The following ASB18 variants were observed in gnomAD, a reference collection of about 807,000 sequenced individuals.
ASB18 encodes the protein ankyrin repeat and SOCS box containing 18.
ASB18 carries 33 observed loss-of-function variants against 33.4 expected under a neutral mutation model. The observed-to-expected ratio is 0.99, with a 90% CI of 0.75 to 1.32. The LOEUF (loss-of-function observed/expected upper bound fraction) is 1.32. ASB18 is among the 40% of genes most tolerant of loss of function. The pLI, the probability that ASB18 is intolerant of heterozygous loss-of-function variation, is 0.00. For missense variants in ASB18, 694 were observed against 655.5 expected (o/e 1.06, Z -0.64); for synonymous variants, 295 against 307.6 (o/e 0.96, Z 0.43).
rs1311232917 is a variant in ASB18, at chr2:236,252,181, G to T, written c.206-10779C>A. Among the ~76,000 whole-genome samples, 11 of 152,042 alleles carry T rather than the reference G, an allele frequency of 7.2e-5. No individual in the cohort carries two copies. The highest frequency in any genetic ancestry group is 1.6e-4 in the Non-Finnish European group (11 of 68,006). ...AGCTATTCAGGAGGCTGAGACAGGA[G>T]AATTGCTTGAACCCAGGAGGCAGAG... is the stretch of plus-strand genomic sequence containing the variant. On this transcript the variant is annotated intron_variant, in intron 1 of 5. Coordinates refer to ENST00000409749, the MANE Select transcript of ASB18 (RefSeq NM_212556.4). The surrounding 1 kb of genome is among the most constrained non-coding windows in gnomAD (Gnocchi z 7.9).
In ASB18 at chr2:236,193,784, A is replaced by G. The variant is rs911053323; in HGVS notation, c.*1088T>C. Among the ~76,000 whole-genome samples, 27 of 149,108 alleles carry G rather than the reference A, an allele frequency of 1.8e-4. No individual in the cohort carries two copies. The highest frequency in any genetic ancestry group is 3.3e-4 in the Non-Finnish European group (22 of 66,896). On this transcript the variant is annotated 3_prime_UTR_variant, in exon 6 of 6. Transcript: ENST00000409749. The surrounding 1 kb of genome is among the most constrained non-coding windows in gnomAD (Gnocchi z 5.0). The stretch of plus-strand genomic sequence containing the variant: ...CTCAAAACAAACAAACAAACAAACA[A>G]AAAAACAAAAAAGAAACAAGACTGA...
Position 236,259,413 on chromosome 2 carries a change from G to A in ASB18, c.205+4728C>T. On this transcript the variant is annotated intron_variant, in intron 1 of 5. Transcript: ENST00000409749. The surrounding 1 kb of genome is among the most constrained non-coding windows in gnomAD (Gnocchi z 4.4). ...TGGCCCTAGAAGAGGTGGCATTCAG[G>A]TTTGAATTATCCAGTTGGTATATAA... 1 of 429,056 alleles carries A rather than the reference G, an allele frequency of 2.3e-6. No homozygotes were observed. Among genetic ancestry groups the A allele is most frequent in the Non-Finnish European group, 4.9e-6 (1 of 203,238 alleles). The allele number at this position is 429,056 out of a possible 1,614,324, so 26.6% of individuals were successfully genotyped here. A position where few individuals can be genotyped will look rare whatever the true frequency, so the allele number is the denominator to read the frequency against.
In ASB18 at chr2:236,216,847, T is replaced by A. The variant is rs2060489985; in HGVS notation, c.597-1981A>T. ...ACATCATGATCCAGCTCCTGGGGGC[T>A]CACCGGGTTCACCTCCTGAGGCGCC... On this transcript the variant is annotated intron_variant, in intron 3 of 5. Transcript: ENST00000409749. This position sits in a 1 kb window ranked among gnomAD's most constrained non-coding sequence, Gnocchi z 6.1. 6.6e-6 allele frequency among the ~76,000 whole-genome samples: 1 copy of A among 152,114 alleles called. No homozygotes were observed. Among genetic ancestry groups the A allele is most frequent in the East Asian group, 1.9e-4 (1 of 5,148 alleles).
rs1484425207 is a variant in ASB18 at position 236,220,634 on chromosome 2, A to T, written c.597-5768T>A. Among the ~76,000 whole-genome samples, 1 of 151,840 alleles carries T rather than the reference A, an allele frequency of 6.6e-6. No homozygotes were observed. The highest frequency in any genetic ancestry group is 1.9e-4 in the East Asian group (1 of 5,164). The stretch of plus-strand genomic sequence containing the variant: ...TGTAGGTGGAATTTACAGTTGGGGA[A>T]ATTGAGGCTTAAAAGGCCAGTGACA... On this transcript the variant is annotated intron_variant, in intron 3 of 5. Coordinates refer to ENST00000409749, the MANE Select transcript of ASB18 (RefSeq NM_212556.4). The surrounding 1 kb of genome is among the most constrained non-coding windows in gnomAD (Gnocchi z 5.1).
Position 236,253,768 on chromosome 2 carries a change from A to C in ASB18, c.205+10373T>G, listed in dbSNP as rs1187897751. ...ACGACAGGTAATTACAAGTCTGCAA[A>C]TCACACACATGGATGTTAGGTTAAA... On this transcript the variant is annotated intron_variant, in intron 1 of 5. Transcript: ENST00000409749. This position sits in a 1 kb window ranked among gnomAD's most constrained non-coding sequence, Gnocchi z 5.4. 6.6e-6 allele frequency: 1 copy of C among 152,236 alleles called. No homozygotes were observed. The highest frequency in any genetic ancestry group is 1.5e-5 in the Non-Finnish European group (1 of 68,044). 9.4% of individuals were successfully genotyped at this position (152,236 alleles called of 1,614,324 possible). A position where few individuals can be genotyped will look rare whatever the true frequency, so the allele number is the denominator to read the frequency against.
At position 236,238,119 on chromosome 2, in the gene ASB18, G is replaced by A. The variant is rs1445013726; in HGVS notation, c.329-163C>T. On this transcript the variant is annotated intron_variant, in intron 2 of 5. Coordinates refer to ENST00000409749, the MANE Select transcript of ASB18 (RefSeq NM_212556.4). This position sits in a 1 kb window ranked among gnomAD's most constrained non-coding sequence, Gnocchi z 5.2. ...AGAATCAGAGACGCACACAGAGACA[G>A]AGAGCAGAGAGACACACTGGGAAGA... is the stretch of plus-strand genomic sequence containing the variant. 6.6e-6 allele frequency among the ~76,000 whole-genome samples: 1 copy of A among 152,170 alleles called. No individual in the cohort carries two copies. Among genetic ancestry groups the A allele is most frequent in the African/African-American group, 2.4e-5 (1 of 41,436 alleles).
rs1210206826 is a variant in ASB18 at position 236,193,774 on chromosome 2, C to G, written c.*1098G>C. Among the ~76,000 whole-genome samples the G allele has an allele frequency of 6.6e-6, 1 of 150,552 alleles. No homozygotes were observed. The highest frequency in any genetic ancestry group is 1.5e-5 in the Non-Finnish European group (1 of 67,274). ...TTGCGCCAGTCTCAAAACAAACAAA[C>G]AAACAAACAAAAAAACAAAAAAGAA... is the stretch of plus-strand genomic sequence containing the variant. On this transcript the variant is annotated 3_prime_UTR_variant, in exon 6 of 6. Coordinates refer to ENST00000409749, the MANE Select transcript of ASB18 (RefSeq NM_212556.4). The surrounding 1 kb of genome is among the most constrained non-coding windows in gnomAD (Gnocchi z 5.0).
Position 236,256,200 on chromosome 2 carries a change from T to C in ASB18, c.205+7941A>G, listed in dbSNP as rs1411135600. On this transcript the variant is annotated intron_variant, in intron 1 of 5. Coordinates refer to ENST00000409749, the MANE Select transcript of ASB18 (RefSeq NM_212556.4). The surrounding 1 kb of genome is among the most constrained non-coding windows in gnomAD (Gnocchi z 4.7). ...GCCATCATGCCCAGGCTAATTGGTG[T>C]ATTTTTTGTAGAGATAGAGTCTTGC... Among the ~76,000 whole-genome samples, 1 of 152,054 alleles carries C rather than the reference T, an allele frequency of 6.6e-6. No individual in the cohort carries two copies. The highest frequency in any genetic ancestry group is 2.4e-5 in the African/African-American group (1 of 41,402).
chr2:236,232,077 A>C (rs1372859934), intron 3 of ASB18, among the ~76,000 whole-genome samples: 3 of 152,232 alleles, frequency 2.0e-5, no homozygotes, highest in Non-Finnish European at 4.4e-5. Context: ...AGTATACATG[A>C]AACATTTATC....
chr2:236,217,908 A>G lies in ASB18; in HGVS notation c.597-3042T>C, dbSNP rs1307938059. Among the ~76,000 whole-genome samples, 1 of 152,242 alleles carries G rather than the reference A, an allele frequency of 6.6e-6. No individual in the cohort carries two copies. Among genetic ancestry groups the G allele is most frequent in the Non-Finnish European group, 1.5e-5 (1 of 68,044 alleles). Reference sequence around the variant, plus strand: ...TGCTTCTCTGGGAGGAATTTTGAACAGTGCAGCAGGACGTTAGAAATCAAG... The same window carrying G: ...TGCTTCTCTGGGAGGAATTTTGAACGGTGCAGCAGGACGTTAGAAATCAAG... On this transcript the variant is annotated intron_variant, in intron 3 of 5. Transcript: ENST00000409749. This position sits in a 1 kb window ranked among gnomAD's most constrained non-coding sequence, Gnocchi z 5.2.
intron 1 of ASB18, among the ~76,000 whole-genome samples, chr2:236,254,416 G>A (rs1347078841): frequency 6.6e-6 from 1 of 151,802 alleles, no homozygotes; most frequent in African/African-American, 2.4e-5. Context: ...AGCCCACACA[G>A]CTGACTCCCT....
rs1394661258 is a variant in ASB18 at position 236,214,354 on chromosome 2, T to C, written c.1101+8A>G. The C allele has an allele frequency of 1.3e-6, 2 of 1,569,300 alleles. No individual in the cohort carries two copies. The highest frequency in any genetic ancestry group is 1.7e-6 in the Non-Finnish European group (2 of 1,161,286). On this transcript the variant is annotated splice_region_variant and intron_variant, in intron 4 of 5. Coordinates refer to ENST00000409749, the MANE Select transcript of ASB18 (RefSeq NM_212556.4). This position sits in a 1 kb window ranked among gnomAD's most constrained non-coding sequence, Gnocchi z 6.5. ...GGCACGTGCCAGCCGGGCTGGATCC[T>C]GCCTTACCTTGGGGAAGGCGTCGGG...
Position 236,237,830 on chromosome 2 carries a change from C to T in ASB18, c.455G>A (p.Gly152Asp). Residue 152 changes from glycine to aspartate, a missense_variant, in exon 3 of 6, where the codon GGC becomes GAC. Gly to Asp is a moderately conservative substitution (Grantham distance 94). Coordinates refer to ENST00000409749, the MANE Select transcript of ASB18 (RefSeq NM_212556.4). This position sits in a 1 kb window ranked among gnomAD's most constrained non-coding sequence, Gnocchi z 6.2. ...RGADPDASPG[G>D]RGALHEACLG... ...GCAGGCCTCGTGCAGGGCGCCGCGG[C>T]CGCCGGGGCTGGCGTCTGGGTCTGC... The T allele has an allele frequency of 1.5e-6, 2 of 1,374,224 alleles. No homozygotes were observed. The highest frequency in any genetic ancestry group is 1.9e-6 in the Non-Finnish European group (2 of 1,075,126). The allele number at this position is 1,374,224 out of a possible 1,614,324, so 85.1% of individuals were successfully genotyped here. A position where few individuals can be genotyped will look rare whatever the true frequency, so the allele number is the denominator to read the frequency against.
In ASB18 at chr2:236,237,810, C is replaced by T. The variant is rs1313693933; in HGVS notation, c.475G>A (p.Ala159Thr). 77 of 1,398,200 alleles carry T rather than the reference C, an allele frequency of 5.5e-5. 1 individual carries two copies. In the East Asian group the frequency reaches 2.2e-3, roughly 40 times the overall value. 86.6% of individuals were successfully genotyped at this position (1,398,200 alleles called of 1,614,324 possible). ...CAGGCGGTGTGGCCCCCGAGGCAGGCCTCGTGCAGGGCGCCGCGGCCGCCG... is the reference window on the plus strand; with the variant it reads ...CAGGCGGTGTGGCCCCCGAGGCAGGTCTCGTGCAGGGCGCCGCGGCCGCCG... The part of the protein sequence containing the change: ...SPGGRGALHE[A>T]CLGGHTACVR... The change falls in exon 3 of 6, where the codon GCC becomes ACC. Residue 159 changes from alanine to threonine, a missense_variant. By Grantham distance (58) the Ala-to-Thr change is moderately conservative (BLOSUM62 0). Coordinates refer to ENST00000409749, the MANE Select transcript of ASB18 (RefSeq NM_212556.4). The surrounding 1 kb of genome is among the most constrained non-coding windows in gnomAD (Gnocchi z 6.2).
At chr2:236,197,561 C>T (rs967735816) in intron 4 of ASB18, among the ~76,000 whole-genome samples, 4 of 151,878 alleles carry the variant, frequency 2.6e-5, no homozygotes, top group African/African-American at 7.3e-5. Context: ...AGTTGCCAGG[C>T]GCAGTGGCTC....
chr2:236,218,316 AG>A (rs2060496920), intron 3 of ASB18, among the ~76,000 whole-genome samples: 1 of 151,246 alleles, frequency 6.6e-6, no homozygotes, highest in South Asian at 2.1e-4. Flanking sequence ...GGCATGGGAA[AG>A]AAACAACAAA....
chr2:236,216,358 C>A lies in ASB18; in HGVS notation c.597-1492G>T, dbSNP rs2060487978. ...GGTGCAGCTCCCAGGAACTCCCTCA[C>A]CTGCCTGCCTTCTGCAAACACATCT... On this transcript the variant is annotated intron_variant, in intron 3 of 5. Transcript: ENST00000409749. The surrounding 1 kb of genome is among the most constrained non-coding windows in gnomAD (Gnocchi z 6.1). Among the ~76,000 whole-genome samples the A allele has an allele frequency of 6.6e-6, 1 of 152,222 alleles. No homozygotes were observed. Among genetic ancestry groups the A allele is most frequent in the Non-Finnish European group, 1.5e-5 (1 of 68,044 alleles).
intron 4 of ASB18, among the ~76,000 whole-genome samples, chr2:236,202,073 C>G (rs996342032): frequency 3.7e-4 from 57 of 152,032 alleles, no homozygotes; most frequent in Non-Finnish European, 5.9e-5. Flanking sequence ...CCTCAGCCTC[C>G]CGAGTAGCTG....
chr2:236,254,465 T>C (rs953628413), intron 1 of ASB18, among the ~76,000 whole-genome samples: 48 of 151,908 alleles, frequency 3.2e-4, no homozygotes, highest in African/African-American at 1.2e-3. Context: ...GCTGAACTTC[T>C]TGAATCTATA....
Sources: allele counts gnomAD v4.1 joint callset (sites outside exome capture counted in the v4.1 genomes callset), GRCh38; gene constraint gnomAD v4.1.1; non-coding constraint Gnocchi (gnomAD v3.1); transcripts MANE v1.5; gene names NCBI Gene and HGNC (gene_info 2026-07-23, HGNC 2026-07-21).